Variants in ZMIZ1 observed in about 807,000 individuals in gnomAD.
ZMIZ1 encodes zinc finger MIZ domain-containing protein 1.
ZMIZ1 carries 17 observed loss-of-function variants against 113.9 expected under a neutral mutation model. The observed-to-expected ratio is 0.15, with a 90% CI of 0.10 to 0.22. The LOEUF (loss-of-function observed/expected upper bound fraction) is 0.22, where lower values mean the gene tolerates loss of function less well. Ranked by LOEUF, ZMIZ1 falls within the 10% of genes least tolerant of loss-of-function variation. ZMIZ1 has a pLI of 1.00. For synonymous variants in ZMIZ1, 607 were observed against 603.1 expected (o/e 1.01, Z -0.09); for missense variants, 1,059 against 1,477.8 (o/e 0.72, Z 4.65).
chr10:79,106,559 T>C (rs1162461807), intron 1 of ZMIZ1, among the ~76,000 whole-genome samples: 1 of 152,244 alleles, frequency 6.6e-6, no homozygotes, highest in Admixed American at 6.5e-5. Context: ...CAGTGGGTGA[T>C]TGAGCCCAGA....
At chr10:79,263,806 A>G (rs1009283043) in intron 7 of ZMIZ1, among the ~76,000 whole-genome samples, 2 of 152,098 alleles carry the variant, frequency 1.3e-5, no homozygotes, top group Non-Finnish European at 2.9e-5. Flanking sequence ...TGAAGTCCGG[A>G]CAGCCATGAT....
intron 1 of ZMIZ1, among the ~76,000 whole-genome samples, chr10:79,097,106 G>A (rs1031358664): frequency 8.5e-5 from 13 of 152,198 alleles, no homozygotes; most frequent in African/African-American, 2.7e-4. Flanking sequence ...ACTTGCCCCC[G>A]GGTCGCCAGC....
chr10:79,268,672 G>A (rs1378857449), intron 7 of ZMIZ1, among the ~76,000 whole-genome samples: 1 of 152,222 alleles, frequency 6.6e-6, no homozygotes, highest in Non-Finnish European at 1.5e-5. Flanking sequence ...GGAGCACCAT[G>A]GCATTCCCCT....
chr10:79,314,467 C>T lies in ZMIZ1; in HGVS notation c.*1718C>T, dbSNP rs1052167145. ...TTTCTGTAGGAAAGCTGCCATTGCC[C>T]CGGCCCCTTTTCTTCCTTTGTCCCG... On this transcript the variant is annotated 3_prime_UTR_variant, in exon 25 of 25. Coordinates refer to ENST00000334512, the MANE Select transcript of ZMIZ1 (RefSeq NM_020338.4). 1.2e-5 allele frequency: 4 copies of T among 341,916 alleles called. No homozygotes were observed. Among genetic ancestry groups the T allele is most frequent in the Non-Finnish European group, 2.3e-5 (4 of 172,994 alleles). 21.2% of individuals were successfully genotyped at this position (341,916 alleles called of 1,614,324 possible).
At chr10:79,182,998 C>T (rs1184555027) in intron 4 of ZMIZ1, among the ~76,000 whole-genome samples, 1 of 152,190 alleles carries the variant, frequency 6.6e-6, no homozygotes, top group Non-Finnish European at 1.5e-5. Context: ...TGGAACTGTA[C>T]TTGATGAGGC....
intron 2 of ZMIZ1, among the ~76,000 whole-genome samples, chr10:79,122,643 C>A (rs529202142): frequency 1.3e-5 from 2 of 152,174 alleles, no homozygotes; most frequent in African/African-American, 4.8e-5. Context: ...CTGCAATGAC[C>A]TCTTGCACTA....
chr10:79,308,184 C>A (rs922691266), intron 23 of ZMIZ1, among the ~76,000 whole-genome samples: 1 of 152,160 alleles, frequency 6.6e-6, no homozygotes, highest in Non-Finnish European at 1.5e-5. Flanking sequence ...GCCCTCCTGT[C>A]CCCTGGAGTC....
chr10:79,116,133 T>A (rs1044679263), intron 1 of ZMIZ1, among the ~76,000 whole-genome samples: 1 of 152,000 alleles, frequency 6.6e-6, no homozygotes, highest in African/African-American at 2.4e-5. Flanking sequence ...CACCCCCGGA[T>A]TCAGCCCCAC....
intron 17 of ZMIZ1, 81 bp downstream of exon 17, chr10:79,301,023 C>T: frequency 6.4e-7 from 1 of 1,551,122 alleles, no homozygotes; most frequent in South Asian, 1.2e-5. Flanking sequence ...CCCTGCCCCA[C>T]TCTGGTCCTC....
chr10:79,241,536 C>A (rs558505330), intron 7 of ZMIZ1, among the ~76,000 whole-genome samples: 1 of 152,072 alleles, frequency 6.6e-6, no homozygotes, highest in Non-Finnish European at 1.5e-5. Flanking sequence ...CAATTAATTT[C>A]TCTTGCAGGA....
intron 4 of ZMIZ1, among the ~76,000 whole-genome samples, chr10:79,200,264 C>T (rs1019455417): frequency 1.3e-5 from 2 of 152,158 alleles, no homozygotes; most frequent in Admixed American, 6.5e-5. Flanking sequence ...GAGGGCAAAT[C>T]GAACTGGCAG....
chr10:79,157,881 T>C (rs1845965955), intron 3 of ZMIZ1, among the ~76,000 whole-genome samples: 1 of 152,118 alleles, frequency 6.6e-6, no homozygotes, highest in African/African-American at 2.4e-5. Flanking sequence ...TTCTCCAAGT[T>C]GGGGAATCCC....
chr10:79,075,823 A>G (rs1015722248), intron 1 of ZMIZ1, among the ~76,000 whole-genome samples: 1 of 152,178 alleles, frequency 6.6e-6, no homozygotes, highest in African/African-American at 2.4e-5. Context: ...TAAAATACAT[A>G]CACTGTACTT....
intron 1 of ZMIZ1, among the ~76,000 whole-genome samples, chr10:79,084,273 T>C (rs1480581219): frequency 6.6e-6 from 1 of 152,168 alleles, no homozygotes; most frequent in Non-Finnish European, 1.5e-5. Context: ...CCTCCCACAC[T>C]CTATTGCAAG....
chr10:79,279,252 C>T (rs928925131), intron 8 of ZMIZ1, among the ~76,000 whole-genome samples: 1 of 148,208 alleles, frequency 6.7e-6, no homozygotes, highest in African/African-American at 2.5e-5. Flanking sequence ...TCAGACTGGG[C>T]GGCCGGTCAG....
chr10:79,225,683 A>G (rs760392367), intron 7 of ZMIZ1, among the ~76,000 whole-genome samples: 3 of 152,230 alleles, frequency 2.0e-5, no homozygotes, highest in Non-Finnish European at 4.4e-5. Context: ...CAGCATCCCA[A>G]TGATGGAAAG....
intron 4 of ZMIZ1, among the ~76,000 whole-genome samples, chr10:79,171,589 C>T (rs767431150): frequency 3.3e-5 from 5 of 152,236 alleles, no homozygotes; most frequent in Non-Finnish European, 5.9e-5. Context: ...CTGTGCCAGC[C>T]ACAGGGGAGC....
intron 6 of ZMIZ1, among the ~76,000 whole-genome samples, chr10:79,212,855 G>A (rs141513212): frequency 0.023 from 3,490 of 152,208 alleles, 71 homozygotes; most frequent in African/African-American, 0.049. Flanking sequence ...TCCTGCCTCA[G>A]CCTCCCAAAG....
At chr10:79,241,050 A>G (rs1166813022) in intron 7 of ZMIZ1, among the ~76,000 whole-genome samples, 1 of 152,178 alleles carries the variant, frequency 6.6e-6, no homozygotes, top group Non-Finnish European at 1.5e-5. Flanking sequence ...GTGAACTGCC[A>G]TTGCACAGAA....
Sources: allele counts gnomAD v4.1 joint callset (sites outside exome capture counted in the v4.1 genomes callset), GRCh38; gene constraint gnomAD v4.1.1; transcripts MANE v1.5; gene names NCBI Gene and HGNC (gene_info 2026-07-23, HGNC 2026-07-21).